The following CDH13 variants were observed in gnomAD, a reference collection of about 807,000 sequenced individuals.
CDH13 encodes cadherin 13.
CDH13 carries 24 observed loss-of-function variants against 63.8 expected under a neutral mutation model. The ratio of observed to expected loss-of-function variants is 0.38; its 90% CI spans 0.27 to 0.53. The LOEUF (loss-of-function observed/expected upper bound fraction) is 0.53. Ranked by LOEUF, CDH13 falls within the 20% of genes least tolerant of loss-of-function variation. The probability of loss-of-function intolerance (pLI) is 0.85; values close to 1 mark genes in which losing one functional copy is unlikely to be tolerated. For missense variants in CDH13, 1,049 were observed against 903.1 expected, an observed-to-expected ratio of 1.16 and a Z score of -2.07; for synonymous variants, 503 against 355.3, an observed-to-expected ratio of 1.42 and a Z score of -4.67.
intron 9 of CDH13, among the ~76,000 whole-genome samples, chr16:83,676,566 A>G (rs1305036622): frequency 1.3e-5 from 2 of 152,218 alleles, no homozygotes. Context: ...GATCCATAGA[A>G]AGAAGGATAG....
chr16:82,672,071 A>G (rs997786985), intron 1 of CDH13, among the ~76,000 whole-genome samples: 9 of 152,158 alleles, frequency 5.9e-5, no homozygotes, highest in African/African-American at 2.2e-4. Flanking sequence ...TTGCTTTTCA[A>G]TATGGAAGTT....
At chr16:83,759,304 G>T (rs1913761859) in intron 11 of CDH13, among the ~76,000 whole-genome samples, 1 of 152,096 alleles carries the variant, frequency 6.6e-6, no homozygotes, top group Non-Finnish European at 1.5e-5. Context: ...AGAAAGCATG[G>T]TCTTTCAATA....
intron 2 of CDH13, among the ~76,000 whole-genome samples, chr16:82,952,318 C>T (rs964819060): frequency 1.2e-4 from 19 of 152,186 alleles, no homozygotes; most frequent in African/African-American, 4.6e-4. Context: ...GCAATCATTG[C>T]ACCTCTGATA....
intron 1 of CDH13, among the ~76,000 whole-genome samples, chr16:82,804,409 C>T (rs1460454449): frequency 2.0e-5 from 3 of 151,900 alleles, no homozygotes; most frequent in Non-Finnish European, 4.4e-5. Flanking sequence ...CAGGTATATG[C>T]ATATATAAAA....
intron 8 of CDH13, among the ~76,000 whole-genome samples, chr16:83,643,321 A>T (rs1299205794): frequency 6.7e-6 from 1 of 148,910 alleles, no homozygotes; most frequent in Admixed American, 6.7e-5. Context: ...AATTTAACAG[A>T]TCTCTCCACA....
At position 83,047,995 on chromosome 16, in the gene CDH13, A is replaced by C. The variant is rs1458372230; in HGVS notation, c.366+15777A>C. ...TCCTCAAAAAAACATTTAACAAAAT[A>C]TGTTATCTTTTTTGTCACAATAGAA... On this transcript the variant is annotated intron_variant, in intron 3 of 13. Coordinates refer to ENST00000567109, the MANE Select transcript of CDH13 (RefSeq NM_001257.5). The surrounding 1 kb of genome is among the most constrained non-coding windows in gnomAD (Gnocchi z 4.9). Among the ~76,000 whole-genome samples, 1 of 152,204 alleles carries C rather than the reference A, an allele frequency of 6.6e-6. No individual in the cohort carries two copies. Among genetic ancestry groups the C allele is most frequent in the Admixed American group, 6.5e-5 (1 of 15,278 alleles).
chr16:83,215,388 T>G (rs1219515898), intron 4 of CDH13, among the ~76,000 whole-genome samples: 1 of 152,094 alleles, frequency 6.6e-6, no homozygotes, highest in Non-Finnish European at 1.5e-5. Flanking sequence ...CCACATAGTT[T>G]ATTTTTAATT....
intron 3 of CDH13, among the ~76,000 whole-genome samples, chr16:83,037,135 T>C (rs1224736872): frequency 6.6e-6 from 1 of 152,192 alleles, no homozygotes; most frequent in Non-Finnish European, 1.5e-5. Flanking sequence ...GAGCTACTAG[T>C]TGAAATAATA....
chr16:82,770,897 G>A (rs2035236437), intron 1 of CDH13, among the ~76,000 whole-genome samples: 1 of 152,050 alleles, frequency 6.6e-6, no homozygotes, highest in African/African-American at 2.4e-5. Flanking sequence ...TAGTAGAGAT[G>A]GGGTTTCACC....
intron 6 of CDH13, among the ~76,000 whole-genome samples, chr16:83,451,354 T>C (rs1233564381): frequency 6.6e-6 from 1 of 152,096 alleles, no homozygotes; most frequent in African/African-American, 2.4e-5. Flanking sequence ...CCATCAGATC[T>C]CATGAGACTT....
chr16:82,685,142 T>C (rs1406977946), intron 1 of CDH13, among the ~76,000 whole-genome samples: 1 of 152,218 alleles, frequency 6.6e-6, no homozygotes, highest in Non-Finnish European at 1.5e-5. Context: ...TTCAGTTTTG[T>C]TGAGAGATGA....
At chr16:83,600,731 A>T (rs1020123059) in intron 7 of CDH13, among the ~76,000 whole-genome samples, 30 of 152,186 alleles carry the variant, frequency 2.0e-4, no homozygotes, top group African/African-American at 6.8e-4. Flanking sequence ...TCTCTGTGTG[A>T]TGATTAAGAA....
chr16:83,431,184 A>G (rs576445340), intron 6 of CDH13, among the ~76,000 whole-genome samples: 1 of 151,914 alleles, frequency 6.6e-6, no homozygotes, highest in South Asian at 2.1e-4. Context: ...TCCATGGTGT[A>G]TATGTGCCAC....
rs560785103 is a variant in CDH13, at chr16:82,657,332, G to T, written c.45+30195G>T. Among the ~76,000 whole-genome samples the T allele has an allele frequency of 2.0e-5, 3 of 152,110 alleles. No homozygotes were observed. In the East Asian group the frequency reaches 5.8e-4, roughly 29 times the overall value. ...TGTCTCTCTCAAAATCTGTTGTAGC[G>T]CACTCACCCTTCTCTTTTAATCTGT... On this transcript the variant is annotated intron_variant, in intron 1 of 13. Transcript: ENST00000567109.
chr16:83,248,205 C>T (rs1296978628), intron 5 of CDH13, among the ~76,000 whole-genome samples: 1 of 151,922 alleles, frequency 6.6e-6, no homozygotes, highest in Non-Finnish European at 1.5e-5. Context: ...GGGAGAGCAT[C>T]AAGGAGGGGA....
chr16:82,703,206 T>TACAC (rs34528218), intron 1 of CDH13, among the ~76,000 whole-genome samples: 86 of 149,516 alleles, frequency 5.8e-4, no homozygotes, highest in East Asian at 9.8e-4. Context: ...GGATGTATAC[T>TACAC]ACACACACAC....
intron 7 of CDH13, among the ~76,000 whole-genome samples, chr16:83,519,358 G>A (rs1314653893): frequency 1.3e-5 from 2 of 152,184 alleles, no homozygotes; most frequent in Non-Finnish European, 2.9e-5. Context: ...CTGTTTTGGA[G>A]TCCCCAGAAG....
intron 3 of CDH13, among the ~76,000 whole-genome samples, chr16:83,090,263 C>G (rs980754220): frequency 6.6e-6 from 1 of 152,112 alleles, no homozygotes; most frequent in Admixed American, 6.5e-5. Context: ...CCAATCAGAC[C>G]CCTATAGAGA....
rs149951397 is a variant in CDH13 at position 82,843,198 on chromosome 16, A to T, written c.46-15164A>T. ...ATAATGTTCTGTGTTTCTTGAAGAT[A>T]GGGACCTTGCCTTTTTGTGTATATT... On this transcript the variant is annotated intron_variant, in intron 1 of 13. Transcript: ENST00000567109. Among the ~76,000 whole-genome samples, 827 of 152,350 alleles carry T rather than the reference A, an allele frequency of 5.4e-3. 3 individuals carry two copies. Among genetic ancestry groups the T allele is most frequent in the Middle Eastern group, 0.017 (5 of 294 alleles).
Sources: allele counts gnomAD v4.1 joint callset (sites outside exome capture counted in the v4.1 genomes callset), GRCh38; gene constraint gnomAD v4.1.1; non-coding constraint Gnocchi (gnomAD v3.1); transcripts MANE v1.5; gene names NCBI Gene and HGNC (gene_info 2026-07-23, HGNC 2026-07-21).